The following ALG14 variants were observed in gnomAD, a reference collection of about 807,000 sequenced individuals.
ALG14 encodes the protein ALG14 UDP-N-acetylglucosaminyltransferase subunit, also known as UDP-N-acetylglucosamine transferase subunit ALG14.
A neutral mutation model predicts 22.8 loss-of-function variants in ALG14; 17 were observed. The observed-to-expected ratio is 0.75, with a 90% CI of 0.51 to 1.12. The LOEUF is 1.12. ALG14 is among the 50% of genes most tolerant of loss of function. The pLI is 0.00. For synonymous variants in ALG14, 89 were observed against 103.7 expected (o/e 0.86, Z 0.86); for missense variants, 288 against 271.8 (o/e 1.06, Z -0.42).
Position 95,007,078 on chromosome 1 carries a change from GA to G in ALG14, c.420+20050del, listed in dbSNP as rs1173128205. Reference sequence around the variant, plus strand: ...CACAGGCAGTGAGATCAGGACAGAGGAGGGGGGTGGGGATGGTCTGTCTTAA... The same window carrying G: ...CACAGGCAGTGAGATCAGGACAGAGGGGGGGGTGGGGATGGTCTGTCTTAA... On this transcript the variant is annotated intron_variant, in intron 3 of 3. Coordinates refer to ENST00000370205, the MANE Select transcript of ALG14 (RefSeq NM_144988.4). 2.0e-5 allele frequency among the ~76,000 whole-genome samples: 3 copies of G among 152,198 alleles called. No homozygotes were observed. In the East Asian group the frequency reaches 5.8e-4, roughly 29 times the overall value.
intron 3 of ALG14, among the ~76,000 whole-genome samples, chr1:94,986,646 T>A (rs556438536): frequency 6.6e-6 from 1 of 152,168 alleles, no homozygotes; most frequent in African/African-American, 2.4e-5. Context: ...CTAATTTTTG[T>A]ATTTTTAGTA....
intron 2 of ALG14, among the ~76,000 whole-genome samples, chr1:95,036,721 C>T (rs1674210050): frequency 6.6e-6 from 1 of 152,156 alleles, no homozygotes; most frequent in African/African-American, 2.4e-5. Context: ...GCCACCGCGC[C>T]TGGCCCAAGC....
chr1:95,025,176 AATTAGGTGC>A (rs1234262518), intron 3 of ALG14, among the ~76,000 whole-genome samples: 3 of 152,314 alleles, frequency 2.0e-5, no homozygotes, highest in Non-Finnish European at 4.4e-5. Flanking sequence ...GCTCTTGGGT[AATTAGGTGC>A]ATTGTCAATG....
rs981076715 is a variant in ALG14 at position 95,055,720 on chromosome 1, T to C, written c.288+9146A>G. Among the ~76,000 whole-genome samples, 8 of 147,376 alleles carry C rather than the reference T, an allele frequency of 5.4e-5. No individual in the cohort carries two copies. The South Asian group carries it at 1.1e-3, about 20-fold the overall frequency. ...AAAATTAAAACACCTCGGCCGGGTG[T>C]GGTGGCTCACACCTGTAATCCCAGC... On this transcript the variant is annotated intron_variant, in intron 2 of 3. Transcript: ENST00000370205.
intron 2 of ALG14, among the ~76,000 whole-genome samples, chr1:95,031,767 G>A (rs1239540214): frequency 2.0e-5 from 3 of 151,188 alleles, no homozygotes; most frequent in African/African-American, 4.9e-5. Context: ...ATTTATTTAT[G>A]TATTGCTGTC....
chr1:94,984,311 C>G (rs1672581513), intron 3 of ALG14, among the ~76,000 whole-genome samples: 2 of 152,116 alleles, frequency 1.3e-5, no homozygotes, highest in African/African-American at 4.8e-5. Flanking sequence ...ACCAGAGAAT[C>G]TTAGAGTTGG....
rs564942703 is a variant in ALG14, at chr1:95,025,678, G to C, written c.420+1451C>G. ...ACATCAGTACCTGCTGCTTCACCTTGCACTTTTATGCTATGCAGATGGCTT... is the reference window on the plus strand; with the variant it reads ...ACATCAGTACCTGCTGCTTCACCTTCCACTTTTATGCTATGCAGATGGCTT... On this transcript the variant is annotated intron_variant, in intron 3 of 3. Transcript: ENST00000370205. 1.2e-4 allele frequency among the ~76,000 whole-genome samples: 19 copies of C among 152,308 alleles called. No homozygotes were observed. The East Asian group carries it at 3.7e-3, about 29-fold the overall frequency.
At chr1:94,985,753 A>C (rs887833648) in intron 3 of ALG14, among the ~76,000 whole-genome samples, 3 of 152,224 alleles carry the variant, frequency 2.0e-5, no homozygotes, top group Admixed American at 1.3e-4. Context: ...AACCTGCCAC[A>C]GGTCAGAAGT....
At chr1:95,005,900 C>A (rs11165285) in intron 3 of ALG14, among the ~76,000 whole-genome samples, 1 of 152,146 alleles carries the variant, frequency 6.6e-6, no homozygotes, top group Non-Finnish European at 1.5e-5. Flanking sequence ...TGGACATCTA[C>A]GTAGTGAAAA....
At chr1:95,048,492 G>T (rs1674632630) in intron 2 of ALG14, among the ~76,000 whole-genome samples, 1 of 152,112 alleles carries the variant, frequency 6.6e-6, no homozygotes, top group South Asian at 2.1e-4. Flanking sequence ...ATAAAAGAAT[G>T]AACCAAAATC....
intron 3 of ALG14, among the ~76,000 whole-genome samples, chr1:95,025,218 T>A (rs1048470699): frequency 5.3e-5 from 8 of 152,192 alleles, no homozygotes; most frequent in Admixed American, 4.6e-4. Context: ...TGTATTTTTT[T>A]AAATAAAAAC....
intron 3 of ALG14, among the ~76,000 whole-genome samples, chr1:95,011,667 G>A (rs1007973118): frequency 1.3e-5 from 2 of 151,922 alleles, no homozygotes; most frequent in African/African-American, 4.8e-5. Flanking sequence ...TGCCCACCTC[G>A]GCCTCCCAAA....
chr1:94,991,124 C>T (rs1279474610), intron 3 of ALG14, among the ~76,000 whole-genome samples: 1 of 152,188 alleles, frequency 6.6e-6, no homozygotes, highest in African/African-American at 2.4e-5. Flanking sequence ...TTCATTCGTT[C>T]AACAAATATT....
intron 3 of ALG14, among the ~76,000 whole-genome samples, chr1:94,985,017 G>A (rs1411429472): frequency 6.6e-6 from 1 of 152,050 alleles, no homozygotes; most frequent in Non-Finnish European, 1.5e-5. Flanking sequence ...GCACAAGCAA[G>A]TTGTATCATC....
chr1:94,983,389 C>A (rs1241055684), intron 3 of ALG14, 83 bp from the exon 4 acceptor site: 2 of 1,085,952 alleles, frequency 1.8e-6, no homozygotes, highest in African/African-American at 3.1e-5. Flanking sequence ...AGCCTGATTT[C>A]AGAGGGGATC....
chr1:95,035,781 C>T lies in ALG14; in HGVS notation c.289-8521G>A, dbSNP rs371694261. On this transcript the variant is annotated intron_variant, in intron 2 of 3. Coordinates refer to ENST00000370205, the MANE Select transcript of ALG14 (RefSeq NM_144988.4). ...ATCCAGATGGCATCATAAACCACAA[C>T]AGAGGAGATCAAGTGGTTGATGAAG... 37 of 152,276 alleles carry T rather than the reference C, an allele frequency of 2.4e-4. 1 individual carries two copies. The East Asian group carries it at 4.1e-3, about 17-fold the overall frequency. The allele number at this position is 152,276 out of a possible 1,614,324, so 9.4% of individuals were successfully genotyped here. A position where few individuals can be genotyped will look rare whatever the true frequency, so the allele number is the denominator to read the frequency against.
intron 2 of ALG14, among the ~76,000 whole-genome samples, chr1:95,054,337 A>C (rs898916665): frequency 6.6e-6 from 1 of 152,148 alleles, no homozygotes; most frequent in African/African-American, 2.4e-5. Flanking sequence ...TTTGTTTAAA[A>C]GTATGTAGCA....
rs147126319 is a variant in ALG14, at chr1:95,007,191, T to C, written c.420+19938A>G. Among the ~76,000 whole-genome samples the C allele has an allele frequency of 2.6e-5, 4 of 152,348 alleles. No individual in the cohort carries two copies. The East Asian group carries it at 7.7e-4, about 29-fold the overall frequency. On this transcript the variant is annotated intron_variant, in intron 3 of 3. Transcript: ENST00000370205. ...TTTTTAATACTTGCAAGTAGACTTCTGATCTCAAAGAGGGGTTTTCCCCCT... is the reference window on the plus strand; with the variant it reads ...TTTTTAATACTTGCAAGTAGACTTCCGATCTCAAAGAGGGGTTTTCCCCCT...
At chr1:94,990,884 G>C (rs923361774) in intron 3 of ALG14, among the ~76,000 whole-genome samples, 2 of 152,216 alleles carry the variant, frequency 1.3e-5, no homozygotes, top group Non-Finnish European at 2.9e-5. Context: ...CGGTTCTGTA[G>C]GATCTTGCCC....
Sources: gnomAD v4.1 joint callset for allele counts (sites outside exome capture counted in the v4.1 genomes callset) on GRCh38, gnomAD v4.1.1 for gene constraint, MANE v1.5 for transcripts, NCBI Gene and HGNC (gene_info 2026-07-23, HGNC 2026-07-21) for gene names.